The following CSNK2A2IP variants were observed in gnomAD, a reference collection of about 807,000 sequenced individuals.
CSNK2A2IP encodes casein kinase 2 subunit alpha' interacting protein.
At chr3:88,457,133 C>T in the CSNK2A2IP span, among the ~76,000 whole-genome samples, 1 of 151,972 alleles carries the variant, frequency 6.6e-6, no homozygotes, top group Admixed American at 6.6e-5. Flanking sequence ...TATAGAATAC[C>T]ATTTTGCATT....
the CSNK2A2IP span, among the ~76,000 whole-genome samples, chr3:88,345,160 T>C: frequency 6.6e-6 from 1 of 152,034 alleles, no homozygotes; most frequent in Non-Finnish European, 1.5e-5. Flanking sequence ...CTCCAAGTTC[T>C]CACTGCTTAG....
chr3:88,389,854 AT>A, the CSNK2A2IP span, among the ~76,000 whole-genome samples: 2 of 149,028 alleles, frequency 1.3e-5, no homozygotes, highest in South Asian at 4.3e-4. Context: ...TTGGGGAGGC[AT>A]TTTTTTTCTC....
the CSNK2A2IP span, among the ~76,000 whole-genome samples, chr3:88,394,993 T>C: frequency 6.6e-6 from 1 of 152,182 alleles, no homozygotes; most frequent in Admixed American, 6.5e-5. Context: ...CATGTTTACC[T>C]ATATAGTAAA....
chr3:88,376,743 A>G, the CSNK2A2IP span, among the ~76,000 whole-genome samples: 2 of 151,708 alleles, frequency 1.3e-5, no homozygotes, highest in African/African-American at 4.8e-5. Context: ...AAGAGCCTCA[A>G]CATTTGACCT....
the CSNK2A2IP span, chr3:88,466,412 G>A: frequency 8.1e-7 from 1 of 1,231,850 alleles, no homozygotes; most frequent in Admixed American, 4.2e-5. Context: ...TCACCAAATG[G>A]CAAACACAGA....
At chr3:88,445,070 T>C in the CSNK2A2IP span, among the ~76,000 whole-genome samples, 4 of 152,160 alleles carry the variant, frequency 2.6e-5, no homozygotes, top group East Asian at 7.7e-4. Flanking sequence ...GATGTTTAGA[T>C]TGTCCGAGAT....
the CSNK2A2IP span, among the ~76,000 whole-genome samples, chr3:88,450,434 G>A: frequency 2.9e-3 from 439 of 151,932 alleles, 2 homozygotes; most frequent in African/African-American, 9.9e-3. Flanking sequence ...ATCTCTTCTG[G>A]TCTCCACCCT....
At chr3:88,419,821 A>G in the CSNK2A2IP span, among the ~76,000 whole-genome samples, 1 of 152,226 alleles carries the variant, frequency 6.6e-6, no homozygotes, top group Non-Finnish European at 1.5e-5. Context: ...AATCCTAATT[A>G]TAAAACAAAC....
the CSNK2A2IP span, among the ~76,000 whole-genome samples, chr3:88,439,740 C>CAAAA: frequency 2.7e-3 from 327 of 119,864 alleles, 3 homozygotes; most frequent in African/African-American, 5.2e-3. Context: ...GACTCTGTCT[C>CAAAA]AAAAAAAAAA....
the CSNK2A2IP span, among the ~76,000 whole-genome samples, chr3:88,376,359 T>C: frequency 6.7e-6 from 1 of 149,134 alleles, no homozygotes; most frequent in Non-Finnish European, 1.5e-5. Context: ...AGCAAATATA[T>C]TTTTTTTTTG....
chr3:88,467,279 C>A, the CSNK2A2IP span: 327 of 400,704 alleles, frequency 8.2e-4, 4 homozygotes, highest in East Asian at 0.011. Flanking sequence ...TCTTCATCTT[C>A]TTCCTCCTCT....
At chr3:88,440,648 C>A in the CSNK2A2IP span, among the ~76,000 whole-genome samples, 1 of 152,048 alleles carries the variant, frequency 6.6e-6, no homozygotes, top group Non-Finnish European at 1.5e-5. Context: ...GTGTTTCATC[C>A]AAATTAAACG....
At chr3:88,464,243 G>C in the CSNK2A2IP span, among the ~76,000 whole-genome samples, 9 of 151,558 alleles carry the variant, frequency 5.9e-5, no homozygotes, top group African/African-American at 2.2e-4. Flanking sequence ...CAGCACACCA[G>C]CATGGCACAT....
At chr3:88,433,039 A>G in the CSNK2A2IP span, among the ~76,000 whole-genome samples, 1 of 151,948 alleles carries the variant, frequency 6.6e-6, no homozygotes, top group Non-Finnish European at 1.5e-5. Context: ...TAAAAATTTT[A>G]TACTGAATTA....
At chr3:88,446,030 T>TTTTCTTTCTTTC in the CSNK2A2IP span, among the ~76,000 whole-genome samples, 25 of 58,182 alleles carry the variant, frequency 4.3e-4, no homozygotes, top group Admixed American at 9.7e-4. Flanking sequence ...TCTTTGTTTC[T>TTTTCTTTCTTTC]TTTCTTTCTT....
chr3:88,443,572 T>C, the CSNK2A2IP span, among the ~76,000 whole-genome samples: 1 of 152,074 alleles, frequency 6.6e-6, no homozygotes, highest in Non-Finnish European at 1.5e-5. Context: ...ATTTATTCTT[T>C]AAAGATAGAG....
the CSNK2A2IP span, among the ~76,000 whole-genome samples, chr3:88,368,914 C>G: frequency 6.6e-6 from 1 of 152,102 alleles, no homozygotes; most frequent in African/African-American, 2.4e-5. Context: ...GCTCTGTAAA[C>G]CTCTCCTCAC....
the CSNK2A2IP span, among the ~76,000 whole-genome samples, chr3:88,367,774 G>A: frequency 3.9e-5 from 6 of 152,136 alleles, no homozygotes; most frequent in Admixed American, 3.3e-4. Context: ...TGTTCTTTGG[G>A]CATATGAACC....
the CSNK2A2IP span, among the ~76,000 whole-genome samples, chr3:88,432,798 T>G: frequency 6.6e-6 from 1 of 150,650 alleles, no homozygotes; most frequent in Non-Finnish European, 1.5e-5. Flanking sequence ...AATAATTAAT[T>G]GCTTTATAAT....
Sources: allele counts gnomAD v4.1 joint callset (sites outside exome capture counted in the v4.1 genomes callset), GRCh38; gene constraint gnomAD v4.1.1; transcripts MANE v1.5; gene names NCBI Gene and HGNC (gene_info 2026-07-23, HGNC 2026-07-21).